PDCD11: variants seen among roughly 807,000 people sequenced by gnomAD.
The protein encoded by PDCD11 is protein RRP5 homolog.
In PDCD11, 97 loss-of-function variants were observed where a neutral mutation model predicts 198.9. That is an observed-to-expected ratio of 0.49 (90% CI 0.41 to 0.58). The LOEUF (loss-of-function observed/expected upper bound fraction) is 0.58, where lower values mean the gene tolerates loss of function less well. Ranked by LOEUF, PDCD11 falls within the 20% of genes least tolerant of loss-of-function variation. PDCD11 has a pLI of 0.00. For missense variants in PDCD11, 2,102 were observed against 2,312.7 expected (o/e 0.91, Z 1.87); for synonymous variants, 893 against 918.0 (o/e 0.97, Z 0.49).
chr10:103,423,163 T>G, intron 18 of PDCD11, 26 bp downstream of exon 18: 1 of 1,520,120 alleles, frequency 6.6e-7, no homozygotes, highest in East Asian at 2.4e-5. Context: ...TTACCCATTG[T>G]GGTTGGTGGG....
chr10:103,412,464 G>A (rs1036687618), intron 8 of PDCD11, among the ~76,000 whole-genome samples: 1 of 152,158 alleles, frequency 6.6e-6, no homozygotes, highest in Admixed American at 6.6e-5. Flanking sequence ...GGGATTACAG[G>A]TGTGTGCCAC....
chr10:103,427,594 C>T (rs1007055368), intron 21 of PDCD11, among the ~76,000 whole-genome samples: 1 of 152,158 alleles, frequency 6.6e-6, no homozygotes, highest in Non-Finnish European at 1.5e-5. Context: ...AAGCTGTGTA[C>T]AGGTTTTAAG....
At chr10:103,400,217 G>A (rs567091804) in intron 2 of PDCD11, among the ~76,000 whole-genome samples, 180 bp from the exon 3 acceptor site, 3 of 127,450 alleles carry the variant, frequency 2.4e-5, no homozygotes, top group Non-Finnish European at 5.4e-5. Flanking sequence ...AACATTGGCG[G>A]CCCCCCCCCT....
rs559125791 is a variant in PDCD11, at chr10:103,438,822, G to C, written c.4025+14G>C. The C allele has an allele frequency of 3.1e-6, 5 of 1,613,352 alleles. No homozygotes were observed. The highest frequency in any genetic ancestry group is 1.7e-5 in the Admixed American group (1 of 60,002). On this transcript the variant is annotated intron_variant, in intron 27 of 35. Coordinates refer to ENST00000369797, the MANE Select transcript of PDCD11 (RefSeq NM_014976.2). ...TGTGTTCTTTCGGTGAGTGAGGGGG[G>C]CTCTGCACCCGGACCCAAGTGCCTT...
chr10:103,443,182 T>A lies in PDCD11; in HGVS notation c.4973T>A (p.Leu1658Gln). The change falls in exon 33 of 36, where the codon CTG becomes CAG. Residue 1658 changes from leucine (L) to glutamine (Q), a missense_variant. Transcript: ENST00000369797. Reference protein sequence around the residue: ...TISFREEQEKLNVWVALLNLE... With the variant: ...TISFREEQEKQNVWVALLNLE... ...CCCTCCAGAGAGGAGCAGGAGAAGCTGAACGTGTGGGTGGCTCTGCTGAAC... is the reference window on the plus strand; with the variant it reads ...CCCTCCAGAGAGGAGCAGGAGAAGCAGAACGTGTGGGTGGCTCTGCTGAAC... The A allele has an allele frequency of 1.3e-6, 2 of 1,596,086 alleles. No homozygotes were observed. The highest frequency in any genetic ancestry group is 1.7e-6 in the Non-Finnish European group (2 of 1,167,872).
chr10:103,421,575 A>C lies in PDCD11; in HGVS notation c.2497+8A>C. On this transcript the variant is annotated splice_region_variant and intron_variant, in intron 17 of 35. Transcript: ENST00000369797. ...GCCTTATGAGCAACCGAGGTGGGGC[A>C]CCTGTGGGGCAGGGGAGGTGGGCCA... is the stretch of plus-strand genomic sequence containing the variant. 1 of 1,550,554 alleles carries C rather than the reference A, an allele frequency of 6.4e-7. No individual in the cohort carries two copies. The highest frequency in any genetic ancestry group is 1.2e-5 in the South Asian group (1 of 84,252).
At chr10:103,413,524 C>T (rs2030929126) in intron 9 of PDCD11, among the ~76,000 whole-genome samples, 1 of 152,160 alleles carries the variant, frequency 6.6e-6, no homozygotes, top group African/African-American at 2.4e-5. Context: ...ATATCTGATA[C>T]TTGGTTAATA....
intron 21 of PDCD11, among the ~76,000 whole-genome samples, chr10:103,430,953 C>T (rs2031908078): frequency 6.6e-6 from 1 of 152,052 alleles, no homozygotes; most frequent in Admixed American, 6.6e-5. Flanking sequence ...CGCCCACGAC[C>T]ACGCCCAGCT....
chr10:103,439,819 T>C lies in PDCD11; in HGVS notation c.4099T>C (p.Tyr1367His). ...GCACAGCCCGTCCAAGAAAGCCCTT[T>C]ATAACAAACACCTCCCTGAAGGGAA... ...SQHSPSKKALYNKHLPEGKLL... is the reference protein window; with the variant it reads ...SQHSPSKKALHNKHLPEGKLL... The change falls in exon 28 of 36, where the codon TAT becomes CAT. Residue 1367 changes from tyrosine to histidine, a missense_variant. Coordinates refer to ENST00000369797, the MANE Select transcript of PDCD11 (RefSeq NM_014976.2). The C allele has an allele frequency of 6.2e-7, 1 of 1,614,158 alleles. No individual in the cohort carries two copies. The highest frequency in any genetic ancestry group is 8.5e-7 in the Non-Finnish European group (1 of 1,180,022).
intron 21 of PDCD11, among the ~76,000 whole-genome samples, chr10:103,429,357 A>G (rs2031828335): frequency 6.6e-6 from 1 of 152,176 alleles, no homozygotes; most frequent in South Asian, 2.1e-4. Context: ...GGAAGTTTCA[A>G]ATCACTTCAG....
intron 6 of PDCD11, 82 bp downstream of exon 6, chr10:103,406,190 A>G: frequency 6.6e-7 from 1 of 1,506,580 alleles, no homozygotes; most frequent in Non-Finnish European, 9.1e-7. Flanking sequence ...TTGATGAGTA[A>G]CATGACAGAA....
At chr10:103,440,671 G>A in intron 29 of PDCD11, 63 bp from the exon 30 acceptor site, 1 of 1,613,212 alleles carries the variant, frequency 6.2e-7, no homozygotes, top group South Asian at 1.1e-5. Flanking sequence ...GTGGGGCCGA[G>A]GGAGGGTGTC....
intron 1 of PDCD11, 56 bp downstream of exon 1, chr10:103,396,786 C>T (rs1455975790): frequency 6.6e-6 from 1 of 152,300 alleles, no homozygotes; most frequent in Admixed American, 6.5e-5. Context: ...AGGTCTGTCC[C>T]AGGCCTGGTT....
Position 103,442,439 on chromosome 10 carries a change from C to T in PDCD11, c.4934C>T (p.Ala1645Val). 2 of 1,613,868 alleles carry T rather than the reference C, an allele frequency of 1.2e-6. No individual in the cohort carries two copies. The highest frequency in any genetic ancestry group is 1.7e-6 in the Non-Finnish European group (2 of 1,179,940). ...IEKARAVAER[A>V]LKTISFREEQ... ...AAGGCCCGTGCCGTGGCTGAGAGGG[C>T]CCTTAAGACCATCTCCTTCAGGTCT... Residue 1645 changes from alanine (A) to valine (V), a missense_variant, in exon 32 of 36, where the codon GCC becomes GTC. Ala to Val is a moderately conservative substitution (Grantham distance 64, BLOSUM62 0). Coordinates refer to ENST00000369797, the MANE Select transcript of PDCD11 (RefSeq NM_014976.2).
In PDCD11 at chr10:103,444,609, T is replaced by C; in HGVS notation, c.5371T>C (p.Tyr1791His). 2 of 1,614,178 alleles carry C rather than the reference T, an allele frequency of 1.2e-6. No individual in the cohort carries two copies. The highest frequency in any genetic ancestry group is 1.7e-6 in the Non-Finnish European group (2 of 1,180,014). ...KAIFENTLSTYPKRTDVWSVY... is the reference protein window; with the variant it reads ...KAIFENTLSTHPKRTDVWSVY... ...CATTTTTGAGAACACGCTGAGCACC[T>C]ACCCAAAGCGCACAGATGTCTGGTC... The change falls in exon 35 of 36, where the codon TAC becomes CAC. Residue 1791 changes from tyrosine (Y) to histidine (H), a missense_variant. Physicochemically the swap from Tyr to His is moderately conservative, Grantham distance 83. Transcript: ENST00000369797.
rs188922325 is a variant in PDCD11 at position 103,430,802 on chromosome 10, C to G, written c.3369-1327C>G. 6.3e-3 allele frequency among the ~76,000 whole-genome samples: 961 copies of G among 151,450 alleles called. 8 individuals are homozygous for G. Among genetic ancestry groups the G allele is most frequent in the Non-Finnish European group, 9.2e-3 (623 of 67,810 alleles). On this transcript the variant is annotated intron_variant, in intron 21 of 35. Transcript: ENST00000369797. ...AAATGTCTACTCAAGTCCTTTTGCT[C>G]TCTTTTTTTTTTTTAAATGGAGTTT... is the stretch of plus-strand genomic sequence containing the variant.
intron 17 of PDCD11, 101 bp downstream of exon 17, chr10:103,421,668 GAAAA>G: frequency 9.7e-7 from 1 of 1,027,756 alleles, no homozygotes; most frequent in East Asian, 2.6e-5. Context: ...CAGAACATAA[GAAAA>G]AAAAATTTGG....
chr10:103,440,025 G>T (rs2032311964), intron 28 of PDCD11, among the ~76,000 whole-genome samples, 157 bp downstream of exon 28: 1 of 152,200 alleles, frequency 6.6e-6, no homozygotes, highest in Non-Finnish European at 1.5e-5. Context: ...TTCTCCCCCA[G>T]TGCCTGTGAA....
At chr10:103,424,955 G>C in intron 19 of PDCD11, 29 bp from the exon 20 acceptor site, 1 of 1,609,542 alleles carries the variant, frequency 6.2e-7, no homozygotes. Context: ...TGTAAGGAAA[G>C]CAGGGATGGT....
Sources: allele counts gnomAD v4.1 joint callset (sites outside exome capture counted in the v4.1 genomes callset), GRCh38; gene constraint gnomAD v4.1.1; transcripts MANE v1.5; gene names NCBI Gene and HGNC (gene_info 2026-07-23, HGNC 2026-07-21).